SLX4: variants seen among roughly 807,000 people sequenced by gnomAD.
SLX4 encodes the protein SLX4 structure-specific endonuclease subunit.
In SLX4, 112 loss-of-function variants were observed where a neutral mutation model predicts 146.2. The observed-to-expected ratio is 0.77, with a 90% CI of 0.66 to 0.90. The LOEUF is 0.90. Ranked by LOEUF, SLX4 falls within the 40% of genes least tolerant of loss-of-function variation. SLX4 has a pLI of 0.00. For missense variants in SLX4, 2,563 were observed against 2,392.7 expected (o/e 1.07, Z -1.49); for synonymous variants, 1,061 against 997.7 (o/e 1.06, Z -1.20).
Position 3,581,787 on chromosome 16 carries a change from G to A in SLX4, c.*555C>T, listed in dbSNP as rs146163310. The A allele has an allele frequency of 8.5e-3, 1,395 of 165,070 alleles. 12 individuals are homozygous for A. Among genetic ancestry groups the A allele is most frequent in the African/African-American group, 0.024 (1,019 of 41,744 alleles). The allele number at this position is 165,070 out of a possible 1,614,324, so 10.2% of individuals were successfully genotyped here. Reference sequence around the variant, plus strand: ...GCCGGGCGCAGTGGCTGGCGCCTGTGATCCCAGCACTTTGGGAGGCCGCAG... The same window carrying A: ...GCCGGGCGCAGTGGCTGGCGCCTGTAATCCCAGCACTTTGGGAGGCCGCAG... On this transcript the variant is annotated 3_prime_UTR_variant, in exon 15 of 15. Transcript: ENST00000294008.
chr16:3,601,389 A>G (rs2040726111), intron 4 of SLX4, 198 bp from the exon 5 acceptor site: 1 of 621,718 alleles, frequency 1.6e-6, no homozygotes, highest in Non-Finnish European at 2.9e-6. Flanking sequence ...AAAGTTGGCT[A>G]AAGAAAGCAA....
chr16:3,582,662 C>G lies in SLX4; in HGVS notation c.5185G>C (p.Glu1729Gln), dbSNP rs1376464922. Residue 1729 changes from glutamate (E) to glutamine (Q), a missense_variant, in exon 15 of 15, where the codon GAG (glutamate) becomes CAG (glutamine). Physicochemically the swap from Glu to Gln is conservative, Grantham distance 29. Coordinates refer to ENST00000294008, the MANE Select transcript of SLX4 (RefSeq NM_032444.4). ...TCGCCCTCCTCTTCACCTGCAGACTCAAATGCCGCTCCAAACTCACAGGAG... is the reference window on the plus strand; with the variant it reads ...TCGCCCTCCTCTTCACCTGCAGACTGAAATGCCGCTCCAAACTCACAGGAG... ...SSSCEFGAAFESAGEEEGEGE... is the reference protein window; with the variant it reads ...SSSCEFGAAFQSAGEEEGEGE... 4 of 1,613,136 alleles carry G rather than the reference C, an allele frequency of 2.5e-6. No individual in the cohort carries two copies. Among genetic ancestry groups the G allele is most frequent in the Non-Finnish European group, 3.4e-6 (4 of 1,180,032 alleles).
rs901633849 is a variant in SLX4 at position 3,606,694 on chromosome 16, A to G, written c.540T>C (p.Asn180=). 17 of 1,614,018 alleles carry G rather than the reference A, an allele frequency of 1.1e-5. No homozygotes were observed. The highest frequency in any genetic ancestry group is 4.5e-5 in the East Asian group (2 of 44,894). ...GAGGCTGGGAGTCGCTGTTGGGCAC[A>G]TTCTCTGGCAAGGAGGAAAATATTC... ...PNLSREKTRE[N]VPNSDSQPPP... The change falls in exon 3 of 15, where the codon AAT becomes AAC. Residue 180 remains asparagine, a synonymous_variant. Transcript: ENST00000294008.
In SLX4 at chr16:3,591,016, G is replaced by C. The variant is rs1407514660; in HGVS notation, c.2622C>G (p.Gly874=). The change falls in exon 12 of 15, where the codon GGC becomes GGG. Residue 874 remains glycine, a synonymous_variant. Coordinates refer to ENST00000294008, the MANE Select transcript of SLX4 (RefSeq NM_032444.4). The part of the protein sequence containing the change: ...LLQEERAAGA[G]EDADWLEGGS... ...CACCCTCCAGCCAGTCAGCGTCCTC[G>C]CCGGCACCCGCTGCCCTTTCTTCCT... 1 of 1,614,122 alleles carries C rather than the reference G, an allele frequency of 6.2e-7. No individual in the cohort carries two copies.
At chr16:3,587,602 G>C (rs531820231) in intron 12 of SLX4, among the ~76,000 whole-genome samples, 1 of 152,292 alleles carries the variant, frequency 6.6e-6, no homozygotes, top group South Asian at 2.1e-4. Flanking sequence ...CCGCAGCGTC[G>C]TCCTGAAGCC....
At chr16:3,588,796 G>A (rs540766014) in intron 12 of SLX4, among the ~76,000 whole-genome samples, 1 of 152,266 alleles carries the variant, frequency 6.6e-6, no homozygotes, top group South Asian at 2.1e-4. Flanking sequence ...GGGAAACACT[G>A]ACTTACTGGC....
chr16:3,586,403 C>T (rs2040508880), intron 12 of SLX4, among the ~76,000 whole-genome samples: 1 of 151,662 alleles, frequency 6.6e-6, no homozygotes, highest in African/African-American at 2.4e-5. Context: ...TGCCTGTAGT[C>T]CCAGCTACTC....
chr16:3,590,507 C>A lies in SLX4; in HGVS notation c.3131G>T (p.Ser1044Ile), dbSNP rs1454172454. The stretch of plus-strand genomic sequence containing the variant: ...ACTTGTGTGATGAGACCCGCGGGGA[C>A]TCCCGCCCTGGGGAGGCCCCAATAG... ...RFLLGPPQGG[S>I]PRGSHHTSGS... Residue 1044 changes from serine to isoleucine, a missense_variant, in exon 12 of 15, where the codon AGT (serine) becomes ATT (isoleucine). Ser to Ile is a moderately radical substitution (Grantham distance 142). Coordinates refer to ENST00000294008, the MANE Select transcript of SLX4 (RefSeq NM_032444.4). This position sits in a 1 kb window ranked among gnomAD's most constrained non-coding sequence, Gnocchi z 4.8. 6.2e-7 allele frequency: 1 copy of A among 1,613,636 alleles called. No individual in the cohort carries two copies. Among genetic ancestry groups the A allele is most frequent in the South Asian group, 1.1e-5 (1 of 91,082 alleles).
chr16:3,584,400 G>A (rs1006072318), intron 13 of SLX4, among the ~76,000 whole-genome samples: 2 of 151,980 alleles, frequency 1.3e-5, no homozygotes, highest in African/African-American at 4.8e-5. Context: ...CAGCCTGGGC[G>A]ACAGAGCAAG....
Position 3,608,889 on chromosome 16 carries a change from TC to T in SLX4, c.75del (p.Ile26LeufsTer18). 1 of 1,614,132 alleles carries T rather than the reference TC, an allele frequency of 6.2e-7. No homozygotes were observed. ...GSLSHLSACP[G>X]IDPRSSEDQP... ...TGGTCTTCAGAGGAGCGAGGGTCAATCCCAGGACAGGCAGACAGATGAGAAA... is the reference window on the plus strand; with the variant it reads ...TGGTCTTCAGAGGAGCGAGGGTCAATCCAGGACAGGCAGACAGATGAGAAA... On this transcript the variant is annotated frameshift_variant, in exon 2 of 15. Coordinates refer to ENST00000294008, the MANE Select transcript of SLX4 (RefSeq NM_032444.4). LOFTEE classifies it high-confidence loss of function.
At chr16:3,604,818 T>TTA (rs2040765595) in intron 3 of SLX4, among the ~76,000 whole-genome samples, 1 of 90,052 alleles carries the variant, frequency 1.1e-5, no homozygotes, top group African/African-American at 5.0e-5. Flanking sequence ...AGACTCCATC[T>TTA]CAAAAAAAAA....
intron 12 of SLX4, among the ~76,000 whole-genome samples, chr16:3,586,817 C>CAA (rs1361035549): frequency 1.5e-4 from 14 of 92,430 alleles, no homozygotes; most frequent in African/African-American, 4.3e-4. Flanking sequence ...GGCTCCGTCT[C>CAA]AAAAAAAAAA....
Position 3,589,994 on chromosome 16 carries a change from TGCAGCACAGCTTCGCTTCTTGGTGG to T in SLX4, c.3619_3643del (p.Pro1207SerfsTer73), listed in dbSNP as rs1440022090. 1.2e-6 allele frequency: 2 copies of T among 1,614,028 alleles called. No individual in the cohort carries two copies. The highest frequency in any genetic ancestry group is 8.5e-7 in the Non-Finnish European group (1 of 1,180,010). ...CGGCAGCGCCCCCTCATCCTCCTGC[TGCAGCACAGCTTCGCTTCTTGGTGG>T]GCTCTGGGAAGGTTCCTGATCTGCA... On this transcript the variant is annotated frameshift_variant, in exon 12 of 15. Coordinates refer to ENST00000294008, the MANE Select transcript of SLX4 (RefSeq NM_032444.4). LOFTEE classifies it high-confidence loss of function. The surrounding 1 kb of genome is among the most constrained non-coding windows in gnomAD (Gnocchi z 6.2).
chr16:3,605,481 C>T (rs2040772153), intron 3 of SLX4, among the ~76,000 whole-genome samples: 1 of 152,024 alleles, frequency 6.6e-6, no homozygotes, highest in Non-Finnish European at 1.5e-5. Flanking sequence ...CCTTGGCCTC[C>T]CAAAGTTTTG....
intron 1 of SLX4, among the ~76,000 whole-genome samples, chr16:3,610,864 G>A (rs1251074440): frequency 2.0e-5 from 3 of 152,162 alleles, no homozygotes; most frequent in African/African-American, 7.2e-5. Flanking sequence ...AAAACGCTGC[G>A]GGGAGAGGAA....
Position 3,581,860 on chromosome 16 carries a change from TG to T in SLX4, c.*481del. On this transcript the variant is annotated 3_prime_UTR_variant, in exon 15 of 15. Coordinates refer to ENST00000294008, the MANE Select transcript of SLX4 (RefSeq NM_032444.4). ...GAGTTTGTGACCAGCCTGAGCAACA[TG>T]GTGAAACCCCGTTTCTACTAAAATA... 5.3e-6 allele frequency: 1 copy of T among 188,360 alleles called. No homozygotes were observed. The highest frequency in any genetic ancestry group is 1.2e-4 in the South Asian group (1 of 8,308). 11.7% of individuals were successfully genotyped at this position (188,360 alleles called of 1,614,324 possible).
intron 9 of SLX4, among the ~76,000 whole-genome samples, chr16:3,594,800 G>A (rs1197870771): frequency 1.3e-5 from 2 of 152,194 alleles, no homozygotes; most frequent in East Asian, 3.9e-4. Flanking sequence ...GAAGAGCAAA[G>A]CACTAGCTTG....
Position 3,582,463 on chromosome 16 carries a change from C to A in SLX4, c.5384G>T (p.Arg1795Leu), listed in dbSNP as rs926700658. ...GGTGTCCAGGAAGTCCAACAGCCTG[C>A]GCGAGGACACACGGAGGCCGTTCTG... Reference protein sequence around the residue: ...LRQNGLRVSSRRLLDFLDTHC... With the variant: ...LRQNGLRVSSLRLLDFLDTHC... The change falls in exon 15 of 15, where the codon CGC (arginine) becomes CTC (leucine). Residue 1795 changes from arginine to leucine, a missense_variant. Physicochemically the swap from Arg to Leu is moderately radical, Grantham distance 102. Transcript: ENST00000294008. 6.2e-7 allele frequency: 1 copy of A among 1,614,014 alleles called. No individual in the cohort carries two copies. The highest frequency in any genetic ancestry group is 2.2e-5 in the East Asian group (1 of 44,890).
In SLX4 at chr16:3,590,626, G is replaced by T. The variant is rs533668167; in HGVS notation, c.3012C>A (p.Pro1004=). Residue 1004 remains proline, a synonymous_variant, in exon 12 of 15, where the codon CCC becomes CCA. Coordinates refer to ENST00000294008, the MANE Select transcript of SLX4 (RefSeq NM_032444.4). The surrounding 1 kb of genome is among the most constrained non-coding windows in gnomAD (Gnocchi z 4.8). The part of the protein sequence containing the change: ...ISEPSQITSE[P]EEQSGAVRER... The stretch of plus-strand genomic sequence containing the variant: ...CCCTGACAGCGCCACTTTGTTCCTC[G>T]GGCTCACTTGTTATTTGGGACGGCT... 1 of 1,614,130 alleles carries T rather than the reference G, an allele frequency of 6.2e-7. No individual in the cohort carries two copies. The highest frequency in any genetic ancestry group is 1.1e-5 in the South Asian group (1 of 91,082).
Sources: allele counts gnomAD v4.1 joint callset (sites outside exome capture counted in the v4.1 genomes callset), GRCh38; gene constraint gnomAD v4.1.1; non-coding constraint Gnocchi (gnomAD v3.1); transcripts MANE v1.5; gene names NCBI Gene and HGNC (gene_info 2026-07-23, HGNC 2026-07-21).